Variants in TRDMT1 observed in about 807,000 individuals in gnomAD.
The protein encoded by TRDMT1 is tRNA (cytosine(38)-C(5))-methyltransferase.
TRDMT1 carries 49 observed loss-of-function variants against 51.2 expected under a neutral mutation model. The observed-to-expected ratio is 0.96, with a 90% CI of 0.76 to 1.21. TRDMT1 has a LOEUF of 1.21. Among genes scored for constraint, TRDMT1 ranks in the 50% most tolerant of loss-of-function variants. The pLI, the probability that TRDMT1 is intolerant of heterozygous loss-of-function variation, is 0.00. For synonymous variants in TRDMT1, 187 were observed against 164.6 expected (o/e 1.14, Z -1.04); for missense variants, 534 against 462.3 (o/e 1.16, Z -1.42).
intron 1 of TRDMT1, 193 bp downstream of exon 1, chr10:17,201,378 A>C: frequency 1.9e-6 from 1 of 535,710 alleles, no homozygotes; most frequent in Non-Finnish European, 3.2e-6. Flanking sequence ...GCGCCAGGAG[A>C]AGGGAGTCAG....
chr10:17,174,537 T>G lies in TRDMT1; in HGVS notation c.174+14A>C, dbSNP rs1259515714. 6.5e-7 allele frequency: 1 copy of G among 1,541,546 alleles called. No homozygotes were observed. Among genetic ancestry groups the G allele is most frequent in the Non-Finnish European group, 9.0e-7 (1 of 1,114,496 alleles). On this transcript the variant is annotated intron_variant, in intron 2 of 10. Coordinates refer to ENST00000377799, the MANE Select transcript of TRDMT1 (RefSeq NM_004412.7). ...CCTTGCTACATACTTATTAAAACAA[T>G]GACAATTACTCACTTCAATCGTCTT...
Position 17,146,984 on chromosome 10 carries a change from A to G in TRDMT1, c.*2056T>C, listed in dbSNP as rs1838169979. On this transcript the variant is annotated 3_prime_UTR_variant, in exon 11 of 11. Transcript: ENST00000377799. Reference sequence around the variant, plus strand: ...GTGAATACATTCCCATAATTTAAGAATTCCACTAAGCTACATTCTGTCTAC... The same window carrying G: ...GTGAATACATTCCCATAATTTAAGAGTTCCACTAAGCTACATTCTGTCTAC... 1 of 985,364 alleles carries G rather than the reference A, an allele frequency of 1.0e-6. No individual in the cohort carries two copies. Among genetic ancestry groups the G allele is most frequent in the Non-Finnish European group, 1.2e-6 (1 of 829,934 alleles). The allele number at this position is 985,364 out of a possible 1,614,324, so 61.0% of individuals were successfully genotyped here. A position where few individuals can be genotyped will look rare whatever the true frequency, so the allele number is the denominator to read the frequency against.
chr10:17,157,159 A>C (rs749008999), intron 8 of TRDMT1, among the ~76,000 whole-genome samples: 4 of 152,190 alleles, frequency 2.6e-5, no homozygotes, highest in Non-Finnish European at 5.9e-5. Flanking sequence ...AGTCTACAGA[A>C]ACCATGTCTC....
intron 1 of TRDMT1, chr10:17,201,356 G>A (rs1408486623): frequency 7.8e-6 from 4 of 512,188 alleles, no homozygotes; most frequent in East Asian, 7.0e-5. Context: ...GCGGCCCCTC[G>A]AGCCAGACTC....
In TRDMT1 at chr10:17,164,452, C is replaced by G. The variant is rs184618697; in HGVS notation, c.252-2215G>C. Among the ~76,000 whole-genome samples the G allele has an allele frequency of 2.5e-4, 38 of 152,282 alleles. 1 individual carries two copies. Among genetic ancestry groups the G allele is most frequent in the Admixed American group, 2.4e-3 (37 of 15,296 alleles). The stretch of plus-strand genomic sequence containing the variant: ...AAACTGGAAGCATTCCCTTTGAAAA[C>G]TGGCACAAGACAGGGATGCCCTCTC... On this transcript the variant is annotated intron_variant, in intron 3 of 10. Coordinates refer to ENST00000377799, the MANE Select transcript of TRDMT1 (RefSeq NM_004412.7).
At position 17,141,937 on chromosome 10, in the gene TRDMT1, T is replaced by C. The variant is rs1372190688; in HGVS notation, c.*7103A>G. 6.6e-6 allele frequency among the ~76,000 whole-genome samples: 1 copy of C among 152,240 alleles called. No individual in the cohort carries two copies. Among genetic ancestry groups the C allele is most frequent in the Non-Finnish European group, 1.5e-5 (1 of 68,042 alleles). ...CTGTTACCACAGAATGTTTTCTATTTTGGTTATTTTTCAGTTACATAACTG... is the reference window on the plus strand; with the variant it reads ...CTGTTACCACAGAATGTTTTCTATTCTGGTTATTTTTCAGTTACATAACTG... On this transcript the variant is annotated 3_prime_UTR_variant, in exon 11 of 11. Coordinates refer to ENST00000377799, the MANE Select transcript of TRDMT1 (RefSeq NM_004412.7).
intron 1 of TRDMT1, among the ~76,000 whole-genome samples, chr10:17,194,225 A>G (rs1845075935): frequency 6.6e-6 from 1 of 152,154 alleles, no homozygotes; most frequent in Non-Finnish European, 1.5e-5. Flanking sequence ...CCTAGGAAAC[A>G]CCACTCTGGA....
At chr10:17,182,382 C>T (rs1388533223) in intron 1 of TRDMT1, among the ~76,000 whole-genome samples, 1 of 152,206 alleles carries the variant, frequency 6.6e-6, no homozygotes, top group East Asian at 1.9e-4. Context: ...GGAAACCAGT[C>T]TGAGCTAAGT....
At position 17,143,720 on chromosome 10, in the gene TRDMT1, T is replaced by A. The variant is rs368336669; in HGVS notation, c.*5320A>T. The A allele has an allele frequency of 6.1e-6, 6 of 985,298 alleles. No individual in the cohort carries two copies. The African/African-American group carries it at 7.0e-5, about 11-fold the overall frequency. 61.0% of individuals were successfully genotyped at this position (985,298 alleles called of 1,614,324 possible). ...AGTTTTCCTAAAAATAAATGATCGT[T>A]CAGAGGCCTGCCTTAGGAAGGCCAT... On this transcript the variant is annotated 3_prime_UTR_variant, in exon 11 of 11. Coordinates refer to ENST00000377799, the MANE Select transcript of TRDMT1 (RefSeq NM_004412.7).
Position 17,146,148 on chromosome 10 carries a change from T to G in TRDMT1, c.*2892A>C. ...AACTTTACCTCTTTGAAAAGTTGGA[T>G]AATTTCAAGCAACAGTTTACCCTCA... On this transcript the variant is annotated 3_prime_UTR_variant, in exon 11 of 11. Coordinates refer to ENST00000377799, the MANE Select transcript of TRDMT1 (RefSeq NM_004412.7). 3 of 985,494 alleles carry G rather than the reference T, an allele frequency of 3.0e-6. No individual in the cohort carries two copies. The highest frequency in any genetic ancestry group is 3.6e-6 in the Non-Finnish European group (3 of 829,944). 61.0% of individuals were successfully genotyped at this position (985,494 alleles called of 1,614,324 possible).
intron 1 of TRDMT1, among the ~76,000 whole-genome samples, chr10:17,177,982 C>T (rs375766764): frequency 5.3e-5 from 8 of 151,982 alleles, no homozygotes; most frequent in African/African-American, 1.7e-4. Flanking sequence ...AATGTAAAGA[C>T]GTTATGTTAG....
intron 1 of TRDMT1, among the ~76,000 whole-genome samples, chr10:17,195,325 C>T (rs373760406): frequency 3.0e-4 from 46 of 152,196 alleles, no homozygotes; most frequent in African/African-American, 1.1e-3. Flanking sequence ...CATCTGGAGG[C>T]CATTATCCTT....
rs10709345 is a variant in TRDMT1 at position 17,179,754 on chromosome 10, TAAA to T, written c.65-5097_65-5095del. 9.6e-3 allele frequency among the ~76,000 whole-genome samples: 1,213 copies of T among 126,988 alleles called. 16 individuals are homozygous for T. The highest frequency in any genetic ancestry group is 0.031 in the African/African-American group (1,088 of 34,568). 83.3% of individuals were successfully genotyped at this position (126,988 alleles called of 152,430 possible). ...ACTAGCTGATTCCAATCTCTACTAA[TAAA>T]AAAAAAAAAAAAAAGGAAAAACAGA... On this transcript the variant is annotated intron_variant, in intron 1 of 10. Coordinates refer to ENST00000377799, the MANE Select transcript of TRDMT1 (RefSeq NM_004412.7).
chr10:17,149,048 A>G lies in TRDMT1; in HGVS notation c.1168T>C (p.Tyr390His), dbSNP rs376223529. The G allele has an allele frequency of 2.5e-6, 4 of 1,603,476 alleles. No individual in the cohort carries two copies. The African/African-American group carries it at 4.0e-5, about 16-fold the overall frequency. Reference protein sequence around the residue: ...HVVAKLIKILYE With the variant: ...HVVAKLIKILHE The stretch of plus-strand genomic sequence containing the variant: ...TCAGAGTTATTTCAAAATTATTCAT[A>G]TAAGATTTTGATTAGTTTAGCTACT... Residue 390 changes from tyrosine (Y) to histidine (H), a missense_variant, in exon 11 of 11, where the codon TAT (tyrosine) becomes CAT (histidine). Tyr to His is a moderately conservative substitution (Grantham distance 83). Transcript: ENST00000377799.
chr10:17,148,790 T>G lies in TRDMT1; in HGVS notation c.*250A>C. 1 of 1,064,450 alleles carries G rather than the reference T, an allele frequency of 9.4e-7. No homozygotes were observed. The highest frequency in any genetic ancestry group is 1.2e-6 in the Non-Finnish European group (1 of 867,314). 65.9% of individuals were successfully genotyped at this position (1,064,450 alleles called of 1,614,324 possible). A position where few individuals can be genotyped will look rare whatever the true frequency, so the allele number is the denominator to read the frequency against. ...TTGTTTTTAAAAAGAATATTCCACA[T>G]ATATATTTATCAGTTTCATATGAAA... On this transcript the variant is annotated 3_prime_UTR_variant, in exon 11 of 11. Coordinates refer to ENST00000377799, the MANE Select transcript of TRDMT1 (RefSeq NM_004412.7).
Position 17,143,941 on chromosome 10 carries a change from A to G in TRDMT1, c.*5099T>C, listed in dbSNP as rs1225031356. ...TTGATGCAAATCCGATACAACTTGAATAGCAAGATATCCAAGTTAAAAATG... is the reference window on the plus strand; with the variant it reads ...TTGATGCAAATCCGATACAACTTGAGTAGCAAGATATCCAAGTTAAAAATG... On this transcript the variant is annotated 3_prime_UTR_variant, in exon 11 of 11. Coordinates refer to ENST00000377799, the MANE Select transcript of TRDMT1 (RefSeq NM_004412.7). The G allele has an allele frequency of 1.0e-6, 1 of 985,350 alleles. No individual in the cohort carries two copies. The highest frequency in any genetic ancestry group is 1.7e-5 in the African/African-American group (1 of 57,248). The allele number at this position is 985,350 out of a possible 1,614,324, so 61.0% of individuals were successfully genotyped here. A position where few individuals can be genotyped will look rare whatever the true frequency, so the allele number is the denominator to read the frequency against.
rs755634106 is a variant in TRDMT1, at chr10:17,154,708, C to G, written c.914G>C (p.Gly305Ala). 6.2e-7 allele frequency: 1 copy of G among 1,604,534 alleles called. No homozygotes were observed. The highest frequency in any genetic ancestry group is 8.5e-7 in the Non-Finnish European group (1 of 1,175,730). ...ATCCTCTGCAGTCTGTAACACAGACCCTGTCCCTTCTATGTAGCTTCCATA... is the reference window on the plus strand; with the variant it reads ...ATCCTCTGCAGTCTGTAACACAGACGCTGTCCCTTCTATGTAGCTTCCATA... The part of the protein sequence containing the change: ...KGYGSYIEGT[G>A]SVLQTAEDVQ... The change falls in exon 9 of 11, where the codon GGG becomes GCG. Residue 305 changes from glycine (G) to alanine (A), a missense_variant. Gly to Ala is a moderately conservative substitution (Grantham distance 60). Coordinates refer to ENST00000377799, the MANE Select transcript of TRDMT1 (RefSeq NM_004412.7).
At chr10:17,167,591 G>A (rs7915048) in intron 3 of TRDMT1, among the ~76,000 whole-genome samples, 20,887 of 152,034 alleles carry the variant, frequency 0.14, 1,527 homozygotes, top group Admixed American at 0.17. Flanking sequence ...AGATTTGGTC[G>A]AAGATATAAT....
rs1839090950 is a variant in TRDMT1 at position 17,153,644 on chromosome 10, A to G, written c.946-8T>C. 6.4e-7 allele frequency: 1 copy of G among 1,561,942 alleles called. No homozygotes were observed. The highest frequency in any genetic ancestry group is 1.4e-5 in the African/African-American group (1 of 72,830). The stretch of plus-strand genomic sequence containing the variant: ...TTTGTAGATATTCTCAACCTGTAAG[A>G]AAATACCCAAGATAACTAAAAAAGT... On this transcript the variant is annotated splice_region_variant and splice_polypyrimidine_tract_variant and intron_variant, in intron 9 of 10. Coordinates refer to ENST00000377799, the MANE Select transcript of TRDMT1 (RefSeq NM_004412.7).
Sources: gnomAD v4.1 joint callset for allele counts (sites outside exome capture counted in the v4.1 genomes callset) on GRCh38, gnomAD v4.1.1 for gene constraint, MANE v1.5 for transcripts, NCBI Gene and HGNC (gene_info 2026-07-23, HGNC 2026-07-21) for gene names.